Variants in GDA observed in about 807,000 individuals in gnomAD.
GDA encodes the protein cytoplasmic PSD-95 interactor.
A neutral mutation model predicts 59.6 loss-of-function variants in GDA; 18 were observed. The observed-to-expected ratio is 0.30, with a 90% CI of 0.21 to 0.45. The LOEUF is 0.45. GDA is among the 20% of genes least tolerant of loss of function. The pLI, the probability that GDA is intolerant of heterozygous loss-of-function variation, is 1.00. For synonymous variants in GDA, 201 were observed against 201.1 expected (o/e 1.00, Z 0.00); for missense variants, 427 against 552.3 (o/e 0.77, Z 2.27).
chr9:72,188,682 T>C (rs1303608145), intron 1 of GDA, among the ~76,000 whole-genome samples: 1 of 151,948 alleles, frequency 6.6e-6, no homozygotes, highest in African/African-American at 2.4e-5. Context: ...GGGGTTGGGG[T>C]TAGTGCCAGA....
intron 5 of GDA, among the ~76,000 whole-genome samples, chr9:72,219,262 A>G (rs1397484219): frequency 1.3e-5 from 2 of 151,724 alleles, no homozygotes; most frequent in Non-Finnish European, 2.9e-5. Context: ...AATTAGCTGG[A>G]CGTGGTGGCG....
At chr9:72,238,046 A>G (rs995599482) in intron 10 of GDA, among the ~76,000 whole-genome samples, 1 of 152,038 alleles carries the variant, frequency 6.6e-6, no homozygotes, top group Non-Finnish European at 1.5e-5. Context: ...TCACCCTTCA[A>G]TGCGATTTTG....
At chr9:72,152,395 T>C (rs958345777) in intron 1 of GDA, among the ~76,000 whole-genome samples, 4 of 152,214 alleles carry the variant, frequency 2.6e-5, no homozygotes, top group Middle Eastern at 3.2e-3. Context: ...TCTAGCCAAC[T>C]TTTTGGTATA....
chr9:72,178,020 T>C (rs7023949), intron 1 of GDA, among the ~76,000 whole-genome samples: 30,005 of 152,132 alleles, frequency 0.2, 3,563 homozygotes, highest in African/African-American at 0.34. Context: ...TTCACTCTCT[T>C]CATTATCCAT....
At chr9:72,205,417 A>T (rs1834571391) in intron 3 of GDA, among the ~76,000 whole-genome samples, 1 of 152,118 alleles carries the variant, frequency 6.6e-6, no homozygotes, top group South Asian at 2.1e-4. Flanking sequence ...TAGTGTTTTC[A>T]GTTCATTCTA....
intron 1 of GDA, among the ~76,000 whole-genome samples, chr9:72,142,071 G>A (rs1235785172): frequency 1.3e-5 from 2 of 152,112 alleles, no homozygotes; most frequent in Non-Finnish European, 2.9e-5. Context: ...CTTGAGATAG[G>A]TTGCATGGGC....
intron 1 of GDA, among the ~76,000 whole-genome samples, chr9:72,181,760 C>T (rs1747035684): frequency 6.6e-6 from 1 of 152,164 alleles, no homozygotes; most frequent in Non-Finnish European, 1.5e-5. Flanking sequence ...ACATTTCAGC[C>T]TCCCAAAGTG....
intron 10 of GDA, among the ~76,000 whole-genome samples, chr9:72,240,758 GCCAGGAGCCA>G (rs940236672): frequency 4.2e-4 from 64 of 152,250 alleles, no homozygotes; most frequent in Middle Eastern, 3.4e-3. Flanking sequence ...GCCAAAGAAT[GCCAGGAGCCA>G]CCAGGAGCCA....
intron 10 of GDA, among the ~76,000 whole-genome samples, chr9:72,237,327 C>T (rs958763654): frequency 2.0e-5 from 3 of 152,202 alleles, no homozygotes; most frequent in Non-Finnish European, 2.9e-5. Context: ...CCATTCTGTC[C>T]TCATCCAATG....
At chr9:72,162,894 T>C (rs1828825781) in intron 1 of GDA, among the ~76,000 whole-genome samples, 1 of 152,150 alleles carries the variant, frequency 6.6e-6, no homozygotes, top group South Asian at 2.1e-4. Flanking sequence ...CCTGACCTCG[T>C]GATCCGCCCG....
chr9:72,243,292 A>G (rs1839818839), intron 11 of GDA, among the ~76,000 whole-genome samples: 1 of 152,184 alleles, frequency 6.6e-6, no homozygotes, highest in African/African-American at 2.4e-5. Context: ...ATTCACTGAA[A>G]AGAATTGTGT....
intron 11 of GDA, among the ~76,000 whole-genome samples, chr9:72,242,375 TA>T (rs1839713324): frequency 6.6e-6 from 1 of 152,166 alleles, no homozygotes; most frequent in African/African-American, 2.4e-5. Context: ...CGGAAAAAAA[TA>T]AAAATTGGTC....
At chr9:72,224,562 C>T (rs1314233660) in intron 7 of GDA, among the ~76,000 whole-genome samples, 2 of 152,020 alleles carry the variant, frequency 1.3e-5, no homozygotes, top group Non-Finnish European at 2.9e-5. Flanking sequence ...CATGTGGATT[C>T]TTATGGGCTG....
At chr9:72,253,468 A>G (rs1403998535), downstream of GDA, 1 of 152,154 alleles carries the variant, frequency 6.6e-6, no homozygotes, top group Non-Finnish European at 1.5e-5. Flanking sequence ...CTGCCCTGGG[A>G]AACTATCCTG....
At chr9:72,118,825 C>T (rs1364668991) in intron 1 of GDA, among the ~76,000 whole-genome samples, 3 of 152,126 alleles carry the variant, frequency 2.0e-5, no homozygotes, top group Non-Finnish European at 4.4e-5. Context: ...TTCTGGTTTT[C>T]ATTTTAACAT....
chr9:72,188,716 GGGTAATGCCTAGT>G (rs138574202), intron 1 of GDA, among the ~76,000 whole-genome samples: 92 of 152,280 alleles, frequency 6.0e-4, no homozygotes, highest in African/African-American at 2.1e-3. Context: ...GTCCTCACTG[GGGTAATGCCTAGT>G]GGAGCCCTGG....
At chr9:72,186,996 A>G (rs1010463751) in intron 1 of GDA, among the ~76,000 whole-genome samples, 2 of 152,234 alleles carry the variant, frequency 1.3e-5, no homozygotes, top group Admixed American at 1.3e-4. Flanking sequence ...CTCTATGAGT[A>G]GAGACTATGC....
intron 1 of GDA, among the ~76,000 whole-genome samples, chr9:72,126,479 A>C (rs1194132618): frequency 6.6e-6 from 1 of 151,936 alleles, no homozygotes; most frequent in Non-Finnish European, 1.5e-5. Flanking sequence ...TCTGATTCAC[A>C]TGTGCTTGCC....
At chr9:72,171,553 C>A (rs1829974429) in intron 1 of GDA, among the ~76,000 whole-genome samples, 1 of 152,102 alleles carries the variant, frequency 6.6e-6, no homozygotes, top group Non-Finnish European at 1.5e-5. Flanking sequence ...AAGATGTGAT[C>A]CTCCAGAAAA....
Sources: gnomAD v4.1 joint callset for allele counts (sites outside exome capture counted in the v4.1 genomes callset) on GRCh38, gnomAD v4.1.1 for gene constraint, MANE v1.5 for transcripts, NCBI Gene and HGNC (gene_info 2026-07-23, HGNC 2026-07-21) for gene names.